The following AGAP1 variants were observed in gnomAD, a reference collection of about 807,000 sequenced individuals.
AGAP1 encodes the protein ArfGAP with GTPase domain, ankyrin repeat and PH domain 1.
AGAP1 carries 29 observed loss-of-function variants against 105.3 expected under a neutral mutation model. The ratio of observed to expected loss-of-function variants is 0.28; its 90% confidence interval spans 0.21 to 0.38. AGAP1 has a LOEUF of 0.38. AGAP1 is among the 10% of genes least tolerant of loss of function. The pLI is 1.00. For synonymous variants in AGAP1, 509 were observed against 485.9 expected (o/e 1.05, Z -0.63); for missense variants, 998 against 1,165.1 (o/e 0.86, Z 2.09).
Position 235,725,515 on chromosome 2 carries a change from A to G in AGAP1, c.310+7871A>G, listed in dbSNP as rs1040010938. Reference sequence around the variant, plus strand: ...TGTTTAATGTTCCAGTGGAAAAAAAAAAAAAACACCTGTAATACTCCAGTA... The same window carrying G: ...TGTTTAATGTTCCAGTGGAAAAAAAGAAAAAACACCTGTAATACTCCAGTA... On this transcript the variant is annotated intron_variant, in intron 3 of 17. Transcript: ENST00000304032. The surrounding 1 kb of genome is among the most constrained non-coding windows in gnomAD (Gnocchi z 5.7). Among the ~76,000 whole-genome samples, 1 of 152,170 alleles carries G rather than the reference A, an allele frequency of 6.6e-6. No individual in the cohort carries two copies. The highest frequency in any genetic ancestry group is 2.4e-5 in the African/African-American group (1 of 41,438).
intron 13 of AGAP1, among the ~76,000 whole-genome samples, chr2:235,999,820 TGGG>T (rs1272605353): frequency 6.6e-6 from 1 of 152,036 alleles, no homozygotes; most frequent in Non-Finnish European, 1.5e-5. Context: ...CCCTGAATGT[TGGG>T]GGTCAGGTCT....
chr2:235,593,513 C>T (rs575481105), intron 1 of AGAP1, among the ~76,000 whole-genome samples: 16 of 152,218 alleles, frequency 1.1e-4, no homozygotes, highest in African/African-American at 3.6e-4. Flanking sequence ...TTAAAATCTT[C>T]GAGGTTTTTG....
At chr2:235,795,363 C>T (rs1957197294) in intron 6 of AGAP1, among the ~76,000 whole-genome samples, 1 of 152,200 alleles carries the variant, frequency 6.6e-6, no homozygotes, top group Non-Finnish European at 1.5e-5. Context: ...AAATTTGTGG[C>T]TATTTGCAGC....
chr2:235,939,957 C>T (rs2053184212), intron 12 of AGAP1, among the ~76,000 whole-genome samples: 1 of 152,136 alleles, frequency 6.6e-6, no homozygotes, highest in South Asian at 2.1e-4. Flanking sequence ...GCCATGACTC[C>T]TCTCTCCTCA....
At chr2:236,102,417 C>CAAAAAA (rs34989933) in intron 16 of AGAP1, among the ~76,000 whole-genome samples, 1 of 66,216 alleles carries the variant, frequency 1.5e-5, no homozygotes, top group Admixed American at 2.1e-4. Flanking sequence ...GACTCCATCT[C>CAAAAAA]AAAAAAAAAA....
At chr2:235,743,881 G>A (rs1012111578) in intron 4 of AGAP1, among the ~76,000 whole-genome samples, 1 of 152,222 alleles carries the variant, frequency 6.6e-6, no homozygotes, top group African/African-American at 2.4e-5. Context: ...GTGAGTGTGG[G>A]AAGTCTCTGC....
chr2:235,651,603 T>G (rs1947597121), intron 1 of AGAP1, among the ~76,000 whole-genome samples: 1 of 152,156 alleles, frequency 6.6e-6, no homozygotes, highest in South Asian at 2.1e-4. Flanking sequence ...GATTCAGCCC[T>G]CTAGTCATGT....
chr2:235,703,205 G>A (rs2149485277), intron 1 of AGAP1, among the ~76,000 whole-genome samples: 1 of 152,138 alleles, frequency 6.6e-6, no homozygotes, highest in Admixed American at 6.5e-5. Flanking sequence ...TGGGATTACA[G>A]GCGTGAGTCA....
chr2:235,795,913 A>G (rs753701422), intron 6 of AGAP1, among the ~76,000 whole-genome samples: 1 of 152,230 alleles, frequency 6.6e-6, no homozygotes, highest in Non-Finnish European at 1.5e-5. Flanking sequence ...ATTCATTTGC[A>G]TTTGAAGTTT....
rs548598189 is a variant in AGAP1 at position 236,109,845 on chromosome 2, G to C, written c.2115-10347G>C. On this transcript the variant is annotated intron_variant, in intron 16 of 17. Coordinates refer to ENST00000304032, the MANE Select transcript of AGAP1 (RefSeq NM_001037131.3). This position sits in a 1 kb window ranked among gnomAD's most constrained non-coding sequence, Gnocchi z 5.4. The stretch of plus-strand genomic sequence containing the variant: ...GGGCAGCTTACAGCTGCCCCATTGG[G>C]GGGCACACCTCTAGATTCTTCCTCT... Among the ~76,000 whole-genome samples the C allele has an allele frequency of 5.0e-4, 76 of 152,332 alleles. 1 individual carries two copies. In the South Asian group the frequency reaches 0.015, roughly 30 times the overall value.
rs560203635 is a variant in AGAP1, at chr2:235,919,856, C to T, written c.1325-10909C>T. Among the ~76,000 whole-genome samples, 13 of 152,168 alleles carry T rather than the reference C, an allele frequency of 8.5e-5. No individual in the cohort carries two copies. The highest frequency in any genetic ancestry group is 1.9e-4 in the East Asian group (1 of 5,192). On this transcript the variant is annotated intron_variant, in intron 11 of 17. Transcript: ENST00000304032. This position sits in a 1 kb window ranked among gnomAD's most constrained non-coding sequence, Gnocchi z 4.1. Reference sequence around the variant, plus strand: ...TCACAATGCTTACACCCCTCATCCTCGCTGTTGCATCAGCTTGTCCATATA... The same window carrying T: ...TCACAATGCTTACACCCCTCATCCTTGCTGTTGCATCAGCTTGTCCATATA...
At chr2:236,007,841 G>C (rs1318040558) in intron 13 of AGAP1, among the ~76,000 whole-genome samples, 1 of 152,212 alleles carries the variant, frequency 6.6e-6, no homozygotes, top group Non-Finnish European at 1.5e-5. Flanking sequence ...ACAGAGCAGC[G>C]AGCCAGTCCT....
Position 235,714,827 on chromosome 2 carries a change from CTCGCTCTG to C in AGAP1, c.223-2727_223-2720del, listed in dbSNP as rs1951019462. ...TTTTTGTTTTGTTTTGAGACAGAGTCTCGCTCTGTCACCCAGGCTGGAGTCCAGTGGTG... is the reference window on the plus strand; with the variant it reads ...TTTTTGTTTTGTTTTGAGACAGAGTCTCACCCAGGCTGGAGTCCAGTGGTG... On this transcript the variant is annotated intron_variant, in intron 2 of 17. Transcript: ENST00000304032. This position sits in a 1 kb window ranked among gnomAD's most constrained non-coding sequence, Gnocchi z 4.1. Among the ~76,000 whole-genome samples, 1 of 152,260 alleles carries C rather than the reference CTCGCTCTG, an allele frequency of 6.6e-6. No individual in the cohort carries two copies. Among genetic ancestry groups the C allele is most frequent in the East Asian group, 1.9e-4 (1 of 5,174 alleles).
rs186833607 is a variant in AGAP1, at chr2:235,807,451, G to T, written c.1050+120G>T. 6 of 802,316 alleles carry T rather than the reference G, an allele frequency of 7.5e-6. No individual in the cohort carries two copies. In the Admixed American group the frequency reaches 1.3e-4, roughly 18 times the overall value. The allele number at this position is 802,316 out of a possible 1,614,324, so 49.7% of individuals were successfully genotyped here. A position where few individuals can be genotyped will look rare whatever the true frequency, so the allele number is the denominator to read the frequency against. ...ATGTGCTCTGTTGATGAATGTAGAA[G>T]TCTCTCACTTGACATCAATTAGCAG... On this transcript the variant is annotated intron_variant, in intron 9 of 17. Transcript: ENST00000304032.
At chr2:235,851,408 A>G (rs2048444474) in intron 9 of AGAP1, among the ~76,000 whole-genome samples, 2 of 152,194 alleles carry the variant, frequency 1.3e-5, no homozygotes, top group Admixed American at 1.3e-4. Flanking sequence ...AGGTGTCCGC[A>G]TGTCACCCCC....
chr2:235,756,388 G>A (rs1953928328), intron 6 of AGAP1, among the ~76,000 whole-genome samples: 1 of 152,172 alleles, frequency 6.6e-6, no homozygotes, highest in Admixed American at 6.5e-5. Context: ...CTTTGTGGTA[G>A]CTGTATGGCA....
chr2:235,962,066 TG>T lies in AGAP1; in HGVS notation c.1484-6395del, dbSNP rs2054213405. ...TTTTTGGTTTTGTTTTGTTTTGTTT[TG>T]TTTTGTTTTGTTTTGTTTCAGTGAA... On this transcript the variant is annotated intron_variant, in intron 12 of 17. Transcript: ENST00000304032. This position sits in a 1 kb window ranked among gnomAD's most constrained non-coding sequence, Gnocchi z 5.3. 8.3e-6 allele frequency among the ~76,000 whole-genome samples: 1 copy of T among 120,134 alleles called. No individual in the cohort carries two copies. The highest frequency in any genetic ancestry group is 1.5e-5 in the Non-Finnish European group (1 of 64,608). 78.8% of individuals were successfully genotyped at this position (120,134 alleles called of 152,430 possible).
Position 235,722,185 on chromosome 2 carries a change from AATAT to A in AGAP1, c.310+4544_310+4547del, listed in dbSNP as rs537238191. On this transcript the variant is annotated intron_variant, in intron 3 of 17. Coordinates refer to ENST00000304032, the MANE Select transcript of AGAP1 (RefSeq NM_001037131.3). ...CGTGTGTGTGCACATCTGGGTGTGT[AATAT>A]ATGTATGTGTACCTCAGTCCTAGGG... Among the ~76,000 whole-genome samples the A allele has an allele frequency of 8.7e-3, 1,331 of 152,248 alleles. 12 individuals are homozygous for A. The highest frequency in any genetic ancestry group is 0.029 in the South Asian group (141 of 4,828).
At chr2:235,503,119 G>A (rs1941636756) in intron 1 of AGAP1, among the ~76,000 whole-genome samples, 1 of 152,192 alleles carries the variant, frequency 6.6e-6, no homozygotes, top group Admixed American at 6.5e-5. Flanking sequence ...TTGGGGGCAT[G>A]CCCACTGTGT....
Sources: gnomAD v4.1 joint callset for allele counts (sites outside exome capture counted in the v4.1 genomes callset) on GRCh38, gnomAD v4.1.1 for gene constraint, Gnocchi (gnomAD v3.1) non-coding constraint, MANE v1.5 for transcripts, NCBI Gene and HGNC (gene_info 2026-07-23, HGNC 2026-07-21) for gene names.